Variants in ATP10B observed in about 807,000 individuals in gnomAD.
ATP10B encodes ATPase phospholipid transporting 10B (putative), also known as phospholipid-transporting ATPase VB.
ATP10B carries 122 observed loss-of-function variants against 141.2 expected under a neutral mutation model. The observed-to-expected ratio is 0.86, with a 90% confidence interval of 0.75 to 1.00. ATP10B has a LOEUF of 1.00. ATP10B is among the 50% of genes least tolerant of loss of function. ATP10B has a pLI of 0.00. For missense variants in ATP10B, 1,876 were observed against 1,825.3 expected (o/e 1.03, Z -0.51); for synonymous variants, 685 against 692.0 (o/e 0.99, Z 0.16).
chr5:160,693,455 C>CAG (rs1491447634), intron 3 of ATP10B, among the ~76,000 whole-genome samples: 10 of 144,330 alleles, frequency 6.9e-5, no homozygotes, highest in African/African-American at 2.3e-4. Context: ...CACACACACA[C>CAG]AGTGGTATAG....
chr5:160,590,279 A>G (rs1756197431), intron 23 of ATP10B, among the ~76,000 whole-genome samples: 1 of 152,100 alleles, frequency 6.6e-6, no homozygotes, highest in Non-Finnish European at 1.5e-5. Context: ...TATAGCAGGA[A>G]AGCCAAGCAA....
chr5:160,735,649 A>T (rs370061456), intron 2 of ATP10B, among the ~76,000 whole-genome samples: 1 of 152,286 alleles, frequency 6.6e-6, no homozygotes. Flanking sequence ...AAATGGATCT[A>T]CTAGATAATC....
rs149288774 is a variant in ATP10B, at chr5:160,746,869, G to A, written c.-330-29835C>T. ...GTGGCCCAGAGATGGGAGGTAAATT[G>A]CCCGAGGTCACACAGCAAGTGGCAA... On this transcript the variant is annotated intron_variant, in intron 2 of 25. Transcript: ENST00000327245. Among the ~76,000 whole-genome samples, 1,319 of 152,224 alleles carry A rather than the reference G, an allele frequency of 8.7e-3. 20 individuals are homozygous for A. Among genetic ancestry groups the A allele is most frequent in the African/African-American group, 0.03 (1,245 of 41,552 alleles).
At chr5:160,833,687 G>A (rs1775246835) in intron 1 of ATP10B, among the ~76,000 whole-genome samples, 1 of 152,232 alleles carries the variant, frequency 6.6e-6, no homozygotes, top group Admixed American at 6.5e-5. Context: ...GGATCTAGTG[G>A]AGGAACTGGA....
chr5:160,690,227 A>T (rs966606650), intron 3 of ATP10B, among the ~76,000 whole-genome samples: 1 of 152,238 alleles, frequency 6.6e-6, no homozygotes, highest in African/African-American at 2.4e-5. Flanking sequence ...AAAGATTTAA[A>T]GGTAAGACCC....
At chr5:160,582,546 C>T (rs1382725889) in intron 24 of ATP10B, among the ~76,000 whole-genome samples, 1 of 152,120 alleles carries the variant, frequency 6.6e-6, no homozygotes, top group African/African-American at 2.4e-5. Context: ...GTGGGGAACC[C>T]GACCTTTCTC....
At chr5:160,908,245 C>T in the ATP10B span, among the ~76,000 whole-genome samples, 1 of 152,118 alleles carries the variant, frequency 6.6e-6, no homozygotes, top group Non-Finnish European at 1.5e-5. Context: ...TTTGAGCCCC[C>T]AAGTCCTCGC....
intron 17 of ATP10B, among the ~76,000 whole-genome samples, chr5:160,614,881 A>C (rs1196915498): frequency 6.6e-6 from 1 of 152,138 alleles, no homozygotes; most frequent in Non-Finnish European, 1.5e-5. Flanking sequence ...AAGAATAAAG[A>C]AGGCTTTTTG....
chr5:160,638,370 T>C (rs1313706803), intron 10 of ATP10B, among the ~76,000 whole-genome samples: 6 of 152,170 alleles, frequency 3.9e-5, no homozygotes, highest in African/African-American at 1.4e-4. Flanking sequence ...TGAGATGATC[T>C]CAAATGTCTT....
intron 21 of ATP10B, among the ~76,000 whole-genome samples, chr5:160,601,489 C>T (rs1040295235): frequency 5.3e-5 from 8 of 152,208 alleles, no homozygotes; most frequent in Admixed American, 5.2e-4. Context: ...ACGGTTCTGA[C>T]TTCTTCCTAT....
chr5:160,733,611 C>A (rs1337053163), intron 2 of ATP10B, among the ~76,000 whole-genome samples: 14 of 151,650 alleles, frequency 9.2e-5, no homozygotes, highest in South Asian at 4.2e-4. Context: ...ACATATATGT[C>A]ACACATATAT....
intron 2 of ATP10B, among the ~76,000 whole-genome samples, chr5:160,775,676 ATTTTTTT>A (rs10642787): frequency 3.6e-4 from 42 of 116,820 alleles, no homozygotes; most frequent in African/African-American, 1.0e-3. Flanking sequence ...CAAGTTTCAG[ATTTTTTT>A]TTTTTTTTTT....
At chr5:160,650,965 T>G (rs1463769963) in intron 7 of ATP10B, among the ~76,000 whole-genome samples, 1 of 152,162 alleles carries the variant, frequency 6.6e-6, no homozygotes, top group African/African-American at 2.4e-5. Flanking sequence ...TTTCACCATT[T>G]AATAGGTATA....
chr5:160,578,506 C>T (rs1478251362), intron 24 of ATP10B, among the ~76,000 whole-genome samples: 3 of 152,132 alleles, frequency 2.0e-5, no homozygotes, highest in Non-Finnish European at 4.4e-5. Context: ...CATGTCCCTT[C>T]AAAGGACAAC....
chr5:160,789,479 G>A (rs1319710598), intron 1 of ATP10B, among the ~76,000 whole-genome samples: 1 of 152,078 alleles, frequency 6.6e-6, no homozygotes, highest in Non-Finnish European at 1.5e-5. Flanking sequence ...AGTAAGTAGT[G>A]TATCTAAACA....
intron 7 of ATP10B, among the ~76,000 whole-genome samples, chr5:160,660,154 T>C (rs897825533): frequency 6.6e-6 from 1 of 152,204 alleles, no homozygotes; most frequent in African/African-American, 2.4e-5. Context: ...ATTTGAAGGG[T>C]CAGCATGAAT....
At position 160,715,588 on chromosome 5, in the gene ATP10B, G is replaced by A. The variant is rs1386478960; in HGVS notation, c.-205+1321C>T. ...ATCACCCGTCTTCTGCGTCGCTCAC[G>A]CTGGGAGCTGTAGACCGGAGCTGTT... On this transcript the variant is annotated intron_variant, in intron 3 of 25. Coordinates refer to ENST00000327245, the MANE Select transcript of ATP10B (RefSeq NM_025153.3). Among the ~76,000 whole-genome samples the A allele has an allele frequency of 9.2e-5, 14 of 151,872 alleles. No homozygotes were observed. In the East Asian group the frequency reaches 1.9e-3, roughly 21 times the overall value.
the ATP10B span, among the ~76,000 whole-genome samples, chr5:160,929,015 GAT>G: frequency 6.6e-6 from 1 of 152,226 alleles, no homozygotes; most frequent in East Asian, 1.9e-4. Flanking sequence ...TTCCCAAATA[GAT>G]AGAGGATTGG....
chr5:160,705,324 C>A (rs1409050026), intron 3 of ATP10B, among the ~76,000 whole-genome samples: 4 of 152,128 alleles, frequency 2.6e-5, no homozygotes, highest in Non-Finnish European at 4.4e-5. Context: ...CAGGCTCAAG[C>A]AATCCTCCTA....
Sources: gnomAD v4.1 joint callset for allele counts (sites outside exome capture counted in the v4.1 genomes callset) on GRCh38, gnomAD v4.1.1 for gene constraint, MANE v1.5 for transcripts, NCBI Gene and HGNC (gene_info 2026-07-23, HGNC 2026-07-21) for gene names.